NETO1: variants seen among roughly 807,000 people sequenced by gnomAD.
NETO1 encodes the protein neuropilin and tolloid like 1.
A neutral mutation model predicts 61.3 loss-of-function variants in NETO1; 26 were observed. That is an observed-to-expected ratio of 0.42 (90% CI 0.31 to 0.59). The LOEUF is 0.59. Among genes scored for constraint, NETO1 ranks in the 20% least tolerant of loss-of-function variants. NETO1 has a pLI of 0.12. For missense variants in NETO1, 531 were observed against 662.8 expected (o/e 0.80, Z 2.18); for synonymous variants, 225 against 225.8 (o/e 1.00, Z 0.03).
chr18:72,812,002 G>A (rs911665348), intron 4 of NETO1, among the ~76,000 whole-genome samples: 6 of 152,184 alleles, frequency 3.9e-5, no homozygotes, highest in Non-Finnish European at 8.8e-5. Flanking sequence ...ATCATTAAGA[G>A]ATCTGGTGTT....
intron 6 of NETO1, among the ~76,000 whole-genome samples, chr18:72,790,287 T>C (rs73469698): frequency 0.02 from 3,114 of 152,244 alleles, 81 homozygotes; most frequent in East Asian, 0.09. Context: ...GATGGAAACA[T>C]CACACCGTAC....
downstream of NETO1, among the ~76,000 whole-genome samples, chr18:72,742,954 C>A (rs867162946): frequency 6.6e-6 from 1 of 152,122 alleles, no homozygotes; most frequent in African/African-American, 2.4e-5. Flanking sequence ...GACAAATATT[C>A]CTGGACATCT....
chr18:72,793,900 T>C (rs1170515132), intron 6 of NETO1, among the ~76,000 whole-genome samples: 1 of 152,214 alleles, frequency 6.6e-6, no homozygotes, highest in Non-Finnish European at 1.5e-5. Context: ...AATTATCAAA[T>C]GATTTCTTCA....
intron 6 of NETO1, among the ~76,000 whole-genome samples, chr18:72,790,294 G>A (rs1015408750): frequency 4.0e-5 from 6 of 151,704 alleles, no homozygotes; most frequent in East Asian, 1.9e-4. Flanking sequence ...ACATCACACC[G>A]TACCCCATAA....
In NETO1 at chr18:72,750,341, C is replaced by A. The variant is rs374531362; in HGVS notation, c.1262G>T (p.Arg421Leu). ...ATGAATGCATTTGGAAGATGACCTC[C>A]GCAGTTTATGGTAATTTTCAAAGTC... ...ADDFENYHKL[R>L]RSSSKCIHDH... Residue 421 changes from arginine to leucine, a missense_variant, in exon 9 of 11, where the codon CGG (arginine) becomes CTG (leucine). Transcript: ENST00000327305. 6.2e-7 allele frequency: 1 copy of A among 1,613,862 alleles called. No homozygotes were observed. The highest frequency in any genetic ancestry group is 1.1e-5 in the South Asian group (1 of 91,066).
chr18:72,765,210 C>A (rs1393158730), intron 7 of NETO1, among the ~76,000 whole-genome samples: 1 of 152,132 alleles, frequency 6.6e-6, no homozygotes, highest in Admixed American at 6.6e-5. Context: ...ATGTCACCCA[C>A]CATAACCACC....
chr18:72,757,027 A>G (rs913654044), intron 7 of NETO1, among the ~76,000 whole-genome samples: 3 of 152,126 alleles, frequency 2.0e-5, no homozygotes, highest in African/African-American at 7.2e-5. Context: ...AAGTGCTTTT[A>G]AAGCTAACTT....
chr18:72,788,208 A>G (rs2071987020), intron 6 of NETO1, among the ~76,000 whole-genome samples: 1 of 152,180 alleles, frequency 6.6e-6, no homozygotes. Flanking sequence ...ATTAAATAGA[A>G]CACTAATTAG....
Position 72,830,133 on chromosome 18 carries a change from C to A in NETO1, c.469+28693G>T, listed in dbSNP as rs766088994. ...GAAATATGAAGGAAGTACTATAAAACCTATGGCTTTATCATCATAGAGGAT... is the reference window on the plus strand; with the variant it reads ...GAAATATGAAGGAAGTACTATAAAAACTATGGCTTTATCATCATAGAGGAT... On this transcript the variant is annotated intron_variant, in intron 4 of 10. Coordinates refer to ENST00000327305, the MANE Select transcript of NETO1 (RefSeq NM_138966.5). This position sits in a 1 kb window ranked among gnomAD's most constrained non-coding sequence, Gnocchi z 4.9. 6.6e-6 allele frequency among the ~76,000 whole-genome samples: 1 copy of A among 152,110 alleles called. No individual in the cohort carries two copies. Among genetic ancestry groups the A allele is most frequent in the South Asian group, 2.1e-4 (1 of 4,832 alleles).
chr18:72,823,835 C>T (rs1031448263), intron 4 of NETO1, among the ~76,000 whole-genome samples: 1 of 152,088 alleles, frequency 6.6e-6, no homozygotes, highest in Admixed American at 6.5e-5. Context: ...AAAGATGGAG[C>T]CCAGTAGCTG....
At chr18:72,834,405 G>A (rs1480679341) in intron 4 of NETO1, 2 of 958,014 alleles carry the variant, frequency 2.1e-6, no homozygotes, top group African/African-American at 1.8e-5. Context: ...AATGAAGGGA[G>A]TATAAGAAAA....
At chr18:72,778,932 ACT>A (rs773446181) in intron 7 of NETO1, among the ~76,000 whole-genome samples, 4 of 152,190 alleles carry the variant, frequency 2.6e-5, no homozygotes, top group Non-Finnish European at 5.9e-5. Flanking sequence ...ATGTATGTCC[ACT>A]TGGGCTGCTA....
chr18:72,749,137 A>C (rs572528789), intron 9 of NETO1, 49 bp from the exon 10 acceptor site: 1 of 1,090,266 alleles, frequency 9.2e-7, no homozygotes, highest in Non-Finnish European at 1.4e-6. Context: ...TTGCACAAAA[A>C]AATATGTATA....
chr18:72,747,932 A>T lies in NETO1; in HGVS notation c.*247T>A, dbSNP rs534125352. 55 of 157,432 alleles carry T rather than the reference A, an allele frequency of 3.5e-4. No individual in the cohort carries two copies. The South Asian group carries it at 0.011, about 31-fold the overall frequency. 9.8% of individuals were successfully genotyped at this position (157,432 alleles called of 1,614,324 possible). A position where few individuals can be genotyped will look rare whatever the true frequency, so the allele number is the denominator to read the frequency against. On this transcript the variant is annotated 3_prime_UTR_variant, in exon 11 of 11. Transcript: ENST00000327305. ...GAACTAATTTCTTCTTCAAGTTTCC[A>T]GTTAATCTCAAAATGTATTTAAAAA...
intron 4 of NETO1, among the ~76,000 whole-genome samples, chr18:72,819,200 G>C (rs1273908574): frequency 1.3e-5 from 2 of 152,138 alleles, no homozygotes; most frequent in East Asian, 1.9e-4. Flanking sequence ...CCTTAGTTTA[G>C]GTGGAAGCCC....
chr18:72,747,562 C>CA lies in NETO1; in HGVS notation c.*616dup. The CA allele has an allele frequency of 6.6e-6, 1 of 151,832 alleles. No individual in the cohort carries two copies. Among genetic ancestry groups the CA allele is most frequent in the South Asian group, 2.1e-4 (1 of 4,810 alleles). The allele number at this position is 151,832 out of a possible 1,614,324, so 9.4% of individuals were successfully genotyped here. A position where few individuals can be genotyped will look rare whatever the true frequency, so the allele number is the denominator to read the frequency against. On this transcript the variant is annotated 3_prime_UTR_variant, in exon 11 of 11. Transcript: ENST00000327305. Reference sequence around the variant, plus strand: ...GAAATCAGGGGTATACAGGAAAGACCAAAAAATGAATTTTTTTATTGCAAT... The same window carrying CA: ...GAAATCAGGGGTATACAGGAAAGACCAAAAAAATGAATTTTTTTATTGCAAT...
chr18:72,790,854 G>T (rs575019111), intron 6 of NETO1, among the ~76,000 whole-genome samples: 2 of 152,122 alleles, frequency 1.3e-5, no homozygotes, highest in East Asian at 3.9e-4. Flanking sequence ...CACAGACATT[G>T]TGCTTGGCAC....
chr18:72,853,421 T>C (rs2074316383), intron 4 of NETO1: 1 of 152,362 alleles, frequency 6.6e-6, no homozygotes, highest in Non-Finnish European at 1.5e-5. Context: ...CATACTGACC[T>C]AAATTTTTTC....
intron 8 of NETO1, among the ~76,000 whole-genome samples, chr18:72,753,652 A>G (rs2070696349): frequency 6.6e-6 from 1 of 152,224 alleles, no homozygotes; most frequent in African/African-American, 2.4e-5. Flanking sequence ...GTAACAGTGA[A>G]TATGTAAATA....
Sources: gnomAD v4.1 joint callset for allele counts (sites outside exome capture counted in the v4.1 genomes callset) on GRCh38, gnomAD v4.1.1 for gene constraint, Gnocchi (gnomAD v3.1) non-coding constraint, MANE v1.5 for transcripts, NCBI Gene and HGNC (gene_info 2026-07-23, HGNC 2026-07-21) for gene names.